CNTN6: variants seen among roughly 807,000 people sequenced by gnomAD.
The protein encoded by CNTN6 is contactin 6, also known as contactin-6.
CNTN6 carries 137 observed loss-of-function variants against 122.8 expected under a neutral mutation model. The ratio of observed to expected loss-of-function variants is 1.12; its 90% CI spans 0.97 to 1.29. The LOEUF (loss-of-function observed/expected upper bound fraction) is 1.29. Among genes scored for constraint, CNTN6 ranks in the 50% most tolerant of loss-of-function variants. CNTN6 has a pLI of 0.00. For missense variants in CNTN6, 1,634 were observed against 1,223.4 expected (o/e 1.34, Z -5.01); for synonymous variants, 570 against 426.0 (o/e 1.34, Z -4.16).
At chr3:1,188,289 C>T (rs969690000) in intron 2 of CNTN6, among the ~76,000 whole-genome samples, 16 of 152,150 alleles carry the variant, frequency 1.1e-4, no homozygotes, top group African/African-American at 3.1e-4. Context: ...CCAGAATGAA[C>T]TGAAAGAATT....
At chr3:1,304,964 C>G (rs1201161383) in intron 7 of CNTN6, among the ~76,000 whole-genome samples, 1 of 113,688 alleles carries the variant, frequency 8.8e-6, no homozygotes, top group Non-Finnish European at 1.7e-5. Context: ...GCACTCCAGC[C>G]TAAAGACAGA....
At chr3:1,280,109 C>A (rs1041034280) in intron 5 of CNTN6, among the ~76,000 whole-genome samples, 1 of 152,152 alleles carries the variant, frequency 6.6e-6, no homozygotes, top group Non-Finnish European at 1.5e-5. Flanking sequence ...ATTTTATGCT[C>A]TTACGATGTT....
intron 4 of CNTN6, among the ~76,000 whole-genome samples, chr3:1,242,060 G>A (rs752378808): frequency 1.2e-4 from 18 of 152,058 alleles, no homozygotes; most frequent in Admixed American, 3.3e-4. Context: ...GAGATCAGTC[G>A]GACACGATTG....
chr3:1,254,213 A>G lies in CNTN6; in HGVS notation c.359-24200A>G, dbSNP rs567751391. ...TTTCTTTCCCTCCCTTCCCAGAAGT[A>G]ACCGCTTTCCTGAAGTTGGTGATAA... On this transcript the variant is annotated intron_variant, in intron 4 of 22. Coordinates refer to ENST00000446702, the MANE Select transcript of CNTN6 (RefSeq NM_001289080.2). Among the ~76,000 whole-genome samples the G allele has an allele frequency of 9.2e-5, 14 of 152,248 alleles. No homozygotes were observed. The East Asian group carries it at 2.7e-3, about 29-fold the overall frequency.
chr3:1,212,423 G>A (rs911159035), intron 2 of CNTN6, among the ~76,000 whole-genome samples: 2 of 150,704 alleles, frequency 1.3e-5, no homozygotes, highest in Non-Finnish European at 3.0e-5. Flanking sequence ...ACAATGTATA[G>A]TAGTATGTAT....
chr3:1,402,565 C>A, intron 22 of CNTN6, 79 bp downstream of exon 22: 1 of 1,180,496 alleles, frequency 8.5e-7, no homozygotes, highest in Non-Finnish European at 1.2e-6. Flanking sequence ...TGAAACCTTC[C>A]AGTTATGGCT....
intron 20 of CNTN6, among the ~76,000 whole-genome samples, chr3:1,399,978 T>C (rs73097114): frequency 0.11 from 16,177 of 152,042 alleles, 1,303 homozygotes; most frequent in African/African-American, 0.21. Flanking sequence ...AATAGTGATA[T>C]CCCAGTGGAA....
At chr3:1,384,529 A>G (rs947081964) in intron 19 of CNTN6, among the ~76,000 whole-genome samples, 10 of 152,134 alleles carry the variant, frequency 6.6e-5, no homozygotes, top group African/African-American at 2.4e-4. Context: ...TAAAGAGACA[A>G]GAACATTTTA....
chr3:1,307,818 A>T (rs1159998028), intron 7 of CNTN6, among the ~76,000 whole-genome samples: 2 of 152,146 alleles, frequency 1.3e-5, no homozygotes, highest in Admixed American at 6.6e-5. Context: ...AGTTTTGGAG[A>T]GGAAGAACAT....
intron 12 of CNTN6, among the ~76,000 whole-genome samples, chr3:1,354,920 G>C (rs1028977254): frequency 4.6e-5 from 7 of 151,360 alleles, no homozygotes; most frequent in African/African-American, 1.7e-4. Context: ...CTCTCCTAAG[G>C]GGGTACAAGC....
intron 2 of CNTN6, among the ~76,000 whole-genome samples, chr3:1,165,603 T>TATA (rs144374654): frequency 6.6e-6 from 1 of 152,098 alleles, no homozygotes; most frequent in Admixed American, 6.5e-5. Flanking sequence ...TACAAGGACT[T>TATA]ATAATAATAA....
intron 6 of CNTN6, among the ~76,000 whole-genome samples, chr3:1,297,638 C>CTTTTTT (rs71303106): frequency 2.2e-5 from 3 of 138,544 alleles, no homozygotes; most frequent in Non-Finnish European, 4.7e-5. Flanking sequence ...TTGTTTTTTT[C>CTTTTTT]TTTTTTTTTT....
At chr3:1,242,831 T>G (rs1032870562) in intron 4 of CNTN6, among the ~76,000 whole-genome samples, 5 of 151,424 alleles carry the variant, frequency 3.3e-5, no homozygotes, top group Non-Finnish European at 5.9e-5. Context: ...CATAAAAGAG[T>G]GCTGTCCAAG....
chr3:1,147,998 A>C lies in CNTN6; in HGVS notation c.-11A>C. 1 of 1,604,438 alleles carries C rather than the reference A, an allele frequency of 6.2e-7. No individual in the cohort carries two copies. The highest frequency in any genetic ancestry group is 8.5e-7 in the Non-Finnish European group (1 of 1,172,718). ...TTGTATGGGAGAAATTTTTGACCTT[A>C]GAAAGTGGAAATGAGGTTGCTATGG... On this transcript the variant is annotated 5_prime_UTR_variant, in exon 2 of 23. Transcript: ENST00000446702.
intron 4 of CNTN6, among the ~76,000 whole-genome samples, chr3:1,249,122 A>G (rs1331253511): frequency 6.6e-6 from 1 of 152,142 alleles, no homozygotes; most frequent in African/African-American, 2.4e-5. Context: ...CTCAAAATGA[A>G]CCTTAGGTTA....
At chr3:1,170,618 T>C (rs2093343188) in intron 2 of CNTN6, among the ~76,000 whole-genome samples, 2 of 152,220 alleles carry the variant, frequency 1.3e-5, no homozygotes, top group African/African-American at 4.8e-5. Flanking sequence ...GTATTGTTTG[T>C]ATTACCCAAG....
chr3:1,103,888 A>AT (rs892034772), intron 1 of CNTN6, among the ~76,000 whole-genome samples: 8 of 151,866 alleles, frequency 5.3e-5, no homozygotes, highest in African/African-American at 1.9e-4. Flanking sequence ...TTCTTTTATG[A>AT]TTTTTTTTCT....
At chr3:1,293,778 G>A (rs1227025439) in intron 5 of CNTN6, among the ~76,000 whole-genome samples, 7 of 151,956 alleles carry the variant, frequency 4.6e-5, no homozygotes, top group Non-Finnish European at 7.4e-5. Context: ...ACCTATTTTG[G>A]GGATCTCCTT....
intron 1 of CNTN6, among the ~76,000 whole-genome samples, chr3:1,103,842 A>G (rs1250106524): frequency 6.6e-6 from 1 of 152,150 alleles, no homozygotes; most frequent in African/African-American, 2.4e-5. Context: ...TCCAAAAATA[A>G]TGTTAGTCTT....
Sources: gnomAD v4.1 joint callset for allele counts (sites outside exome capture counted in the v4.1 genomes callset) on GRCh38, gnomAD v4.1.1 for gene constraint, MANE v1.5 for transcripts, NCBI Gene and HGNC (gene_info 2026-07-23, HGNC 2026-07-21) for gene names.